The following TENM2 variants were observed in gnomAD, a reference collection of about 807,000 sequenced individuals.
The protein encoded by TENM2 is teneurin transmembrane protein 2.
TENM2 carries 52 observed loss-of-function variants against 245.2 expected under a neutral mutation model. The ratio of observed to expected loss-of-function variants is 0.21; its 90% CI spans 0.17 to 0.27. The LOEUF is 0.27. TENM2 is among the 10% of genes least tolerant of loss of function. The probability of loss-of-function intolerance (pLI) is 1.00; values close to 1 mark genes in which losing one functional copy is unlikely to be tolerated. For missense variants in TENM2, 3,046 were observed against 3,666.8 expected, an observed-to-expected ratio of 0.83 and a Z score of 4.37; for synonymous variants, 1,363 against 1,438.9, an observed-to-expected ratio of 0.95 and a Z score of 1.19.
chr5:167,745,239 C>T (rs1251926430), intron 2 of TENM2, among the ~76,000 whole-genome samples: 1 of 152,330 alleles, frequency 6.6e-6, no homozygotes, highest in African/African-American at 2.4e-5. Flanking sequence ...GCAATGTTGT[C>T]CAGGCCCGCA....
chr5:167,842,115 A>G (rs73803231), intron 2 of TENM2, among the ~76,000 whole-genome samples: 248 of 152,162 alleles, frequency 1.6e-3, no homozygotes, highest in African/African-American at 5.6e-3. Context: ...CTGCCCAGAC[A>G]TCTTGCTGCC....
intron 2 of TENM2, among the ~76,000 whole-genome samples, chr5:167,767,300 A>T (rs527543134): frequency 6.6e-6 from 1 of 152,350 alleles, no homozygotes; most frequent in Non-Finnish European, 1.5e-5. Flanking sequence ...CAGACATGAA[A>T]TGGCAAATAT....
chr5:167,954,520 G>T lies in TENM2; in HGVS notation c.947+1698G>T, dbSNP rs138445064. On this transcript the variant is annotated intron_variant, in intron 4 of 28. Transcript: ENST00000518659. ...CTGGGATACATGTGCAGAACGTGCAGGTTCGTTACATAGGTATAAACATGC... is the reference window on the plus strand; with the variant it reads ...CTGGGATACATGTGCAGAACGTGCATGTTCGTTACATAGGTATAAACATGC... 2.4e-4 allele frequency among the ~76,000 whole-genome samples: 36 copies of T among 152,220 alleles called. No individual in the cohort carries two copies. The East Asian group carries it at 4.6e-3, about 20-fold the overall frequency.
At chr5:168,246,605 C>T (rs756672107) in intron 26 of TENM2, among the ~76,000 whole-genome samples, 152 bp from the exon 29 acceptor site, 1 of 152,142 alleles carries the variant, frequency 6.6e-6, no homozygotes, top group Non-Finnish European at 1.5e-5. Flanking sequence ...ATTGGCATGT[C>T]CAGTGAAATA....
chr5:167,363,014 G>A (rs1382068398), intron 1 of TENM2, among the ~76,000 whole-genome samples: 1 of 152,076 alleles, frequency 6.6e-6, no homozygotes, highest in African/African-American at 2.4e-5. Context: ...TTACAGGTGA[G>A]AAAATGGAAA....
the TENM2 span, among the ~76,000 whole-genome samples, chr5:167,060,209 G>A: frequency 1.3e-5 from 2 of 152,122 alleles, no homozygotes; most frequent in South Asian, 2.1e-4. Context: ...CTGGTGGTAC[G>A]ATTAGAATTC....
intron 2 of TENM2, among the ~76,000 whole-genome samples, chr5:167,839,974 C>G (rs141953030): frequency 2.0e-5 from 3 of 152,150 alleles, no homozygotes; most frequent in Non-Finnish European, 2.9e-5. Context: ...TGCGCCACCA[C>G]GCCCTGCTAA....
the TENM2 span, among the ~76,000 whole-genome samples, chr5:167,008,956 T>C: frequency 1.3e-5 from 2 of 152,150 alleles, no homozygotes; most frequent in African/African-American, 2.4e-5. Context: ...ACTTACAGCT[T>C]TGTGCTCCAC....
At chr5:167,617,247 C>T (rs1402077085) in intron 2 of TENM2, among the ~76,000 whole-genome samples, 2 of 152,122 alleles carry the variant, frequency 1.3e-5, no homozygotes, top group African/African-American at 4.8e-5. Context: ...TGAACACACA[C>T]ATGCATACAC....
chr5:168,118,864 T>C (rs1438907823), intron 10 of TENM2, among the ~76,000 whole-genome samples: 3 of 152,198 alleles, frequency 2.0e-5, no homozygotes, highest in Non-Finnish European at 4.4e-5. Flanking sequence ...CCTATCTTTC[T>C]TCCTCTTTTC....
Position 167,938,799 on chromosome 5 carries a change from C to T in TENM2, c.713-13789C>T, listed in dbSNP as rs547964819. Among the ~76,000 whole-genome samples the T allele has an allele frequency of 2.7e-4, 41 of 152,054 alleles. No homozygotes were observed. The South Asian group carries it at 6.5e-3, about 24-fold the overall frequency. On this transcript the variant is annotated intron_variant, in intron 3 of 28. Coordinates refer to ENST00000518659, the Ensembl canonical transcript of TENM2. ...CTCTACTAAAAATACAAAAATTAGC[C>T]GGGTGTGGTGGCATGCGCCTGCAGT...
At chr5:168,157,218 G>GAGGTGAGAAAAGTGAAAAGGAAAGGC (rs1757263222) in intron 12 of TENM2, among the ~76,000 whole-genome samples, 1 of 152,154 alleles carries the variant, frequency 6.6e-6, no homozygotes, top group Admixed American at 6.5e-5. Context: ...TGAAGTTAGG[G>GAGGTGAGAAAAGTGAAAAGGAAAGGC]AGGTGAGAAA....
chr5:167,640,890 T>TCC lies in TENM2; in HGVS notation c.503-235096_503-235095insCC, dbSNP rs1157750603. Among the ~76,000 whole-genome samples the TCC allele has an allele frequency of 1.8e-4, 16 of 91,362 alleles. 2 individuals are homozygous for TCC. Among genetic ancestry groups the TCC allele is most frequent in the African/African-American group, 6.8e-4 (15 of 22,186 alleles). The allele number at this position is 91,362 out of a possible 152,430, so 59.9% of individuals were successfully genotyped here. A position where few individuals can be genotyped will look rare whatever the true frequency, so the allele number is the denominator to read the frequency against. On this transcript the variant is annotated intron_variant, in intron 2 of 28. Coordinates refer to ENST00000518659, the Ensembl canonical transcript of TENM2. ...ATATATATATATATATATATATATA[T>TCC]ATATATATATATATATCTTTCTCTT...
chr5:168,047,296 C>T (rs1187235599), intron 5 of TENM2, 131 bp from the exon 8 acceptor site: 2 of 1,028,572 alleles, frequency 1.9e-6, no homozygotes, highest in African/African-American at 3.2e-5. Context: ...TCCCTGTGGC[C>T]TGGGGCAAGC....
the TENM2 span, among the ~76,000 whole-genome samples, chr5:167,241,887 A>G: frequency 1.3e-5 from 2 of 152,208 alleles, no homozygotes; most frequent in Admixed American, 1.3e-4. Context: ...AGATTGCATC[A>G]TAATGGAAGT....
chr5:168,262,195 A>G (rs1768252497), exon 29 of TENM2: 1 of 1,611,026 alleles, frequency 6.2e-7, no homozygotes. Flanking sequence ...TCATTGGCAA[A>G]GGCATCATGT....
At chr5:167,372,089 A>T (rs911431365) in intron 1 of TENM2, among the ~76,000 whole-genome samples, 9 of 151,762 alleles carry the variant, frequency 5.9e-5, no homozygotes, top group Non-Finnish European at 8.8e-5. Flanking sequence ...AGGTAATTTT[A>T]AAAAAAAATC....
At chr5:167,734,780 G>T (rs1157878315) in intron 2 of TENM2, among the ~76,000 whole-genome samples, 1 of 152,160 alleles carries the variant, frequency 6.6e-6, no homozygotes, top group Non-Finnish European at 1.5e-5. Context: ...GCAGGGCAGA[G>T]ATGATCCTGC....
chr5:168,125,077 C>G, intron 11 of TENM2, 27 bp downstream of exon 13: 1 of 1,567,610 alleles, frequency 6.4e-7, no homozygotes, highest in Non-Finnish European at 8.7e-7. Context: ...TCTCCTTCCT[C>G]TCTCCAACAC....
Sources: gnomAD v4.1 joint callset for allele counts (sites outside exome capture counted in the v4.1 genomes callset) on GRCh38, gnomAD v4.1.1 for gene constraint, MANE v1.5 for transcripts, NCBI Gene and HGNC (gene_info 2026-07-23, HGNC 2026-07-21) for gene names.